Variants in SIPA1L3 observed in about 807,000 individuals in gnomAD.
The protein encoded by SIPA1L3 is signal-induced proliferation-associated 1-like protein 3.
Under a neutral mutation model 150.1 loss-of-function variants are expected in SIPA1L3, and 59 were observed. The ratio of observed to expected loss-of-function variants is 0.39; its 90% CI spans 0.32 to 0.49. The LOEUF is 0.49. SIPA1L3 is among the 20% of genes least tolerant of loss of function. SIPA1L3 has a pLI of 0.86. For synonymous variants in SIPA1L3, 1,070 were observed against 1,077.6 expected, an observed-to-expected ratio of 0.99 and a Z score of 0.14; for missense variants, 2,211 against 2,489.5, an observed-to-expected ratio of 0.89 and a Z score of 2.38.
At chr19:38,114,722 T>A (rs1223065592) in intron 8 of SIPA1L3, among the ~76,000 whole-genome samples, 1 of 152,246 alleles carries the variant, frequency 6.6e-6, no homozygotes, top group Non-Finnish European at 1.5e-5. Context: ...TTAGTCAGCA[T>A]TGAGCAACTG....
At chr19:37,943,961 C>T (rs1379915187) in intron 1 of SIPA1L3, among the ~76,000 whole-genome samples, 2 of 152,132 alleles carry the variant, frequency 1.3e-5, no homozygotes, top group Non-Finnish European at 2.9e-5. Flanking sequence ...CACACGCTGG[C>T]TGTAACCCGT....
At chr19:38,051,629 C>A (rs978377937) in intron 2 of SIPA1L3, among the ~76,000 whole-genome samples, 1 of 152,084 alleles carries the variant, frequency 6.6e-6, no homozygotes, top group Non-Finnish European at 1.5e-5. Flanking sequence ...GACAGGGTAT[C>A]TCTGTGGCCC....
At chr19:37,977,100 ATGCTGGGAG>A (rs1446602458) in intron 1 of SIPA1L3, among the ~76,000 whole-genome samples, 1 of 151,366 alleles carries the variant, frequency 6.6e-6, no homozygotes, top group Non-Finnish European at 1.5e-5. Context: ...GCCTTCCAAA[ATGCTGGGAG>A]TACAGGCATG....
At chr19:38,109,825 A>C (rs1970699665) in intron 7 of SIPA1L3, 1 of 179,642 alleles carries the variant, frequency 5.6e-6, no homozygotes, top group Non-Finnish European at 1.2e-5. Flanking sequence ...AATAAGTGTT[A>C]AGTAATGGGG....
At chr19:38,008,188 G>A (rs1968006386) in intron 1 of SIPA1L3, among the ~76,000 whole-genome samples, 1 of 151,024 alleles carries the variant, frequency 6.6e-6, no homozygotes, top group Non-Finnish European at 1.5e-5. Context: ...GTTCTGACTG[G>A]GGAAGAGGTG....
chr19:37,962,606 C>G (rs1369374334), intron 1 of SIPA1L3, among the ~76,000 whole-genome samples: 1 of 151,740 alleles, frequency 6.6e-6, no homozygotes, highest in African/African-American at 2.4e-5. Context: ...GTTGCTGGGA[C>G]TATAGGCATG....
intron 1 of SIPA1L3, among the ~76,000 whole-genome samples, chr19:37,966,766 G>T (rs529258115): frequency 2.3e-3 from 355 of 152,288 alleles, no homozygotes; most frequent in African/African-American, 8.2e-3. Context: ...CTCTGTCCAG[G>T]CACTGGGGGA....
chr19:37,908,208 G>A (rs2046351280), intron 1 of SIPA1L3, among the ~76,000 whole-genome samples: 1 of 152,006 alleles, frequency 6.6e-6, no homozygotes, highest in Admixed American at 6.6e-5. Flanking sequence ...CACCCCCGAG[G>A]GCCAGATTCA....
At chr19:38,048,616 A>G (rs1969113962) in intron 2 of SIPA1L3, among the ~76,000 whole-genome samples, 1 of 152,184 alleles carries the variant, frequency 6.6e-6, no homozygotes. Flanking sequence ...TGAGTAGACA[A>G]CCATTAATGC....
chr19:38,186,562 C>G (rs955903343), intron 16 of SIPA1L3, among the ~76,000 whole-genome samples: 7 of 149,894 alleles, frequency 4.7e-5, no homozygotes, highest in Non-Finnish European at 8.9e-5. Context: ...CCATGTTGGT[C>G]AGGCTGGTCT....
chr19:37,954,654 T>C (rs539790788), intron 1 of SIPA1L3, among the ~76,000 whole-genome samples: 111 of 152,288 alleles, frequency 7.3e-4, no homozygotes, highest in African/African-American at 2.5e-3. Context: ...CATCCAAGCG[T>C]GAAGCCTCTC....
intron 8 of SIPA1L3, among the ~76,000 whole-genome samples, chr19:38,117,455 A>G (rs1455900953): frequency 1.3e-5 from 2 of 152,086 alleles, no homozygotes; most frequent in African/African-American, 2.4e-5. Flanking sequence ...CCCTGTCTCT[A>G]CTAAAAATAC....
In SIPA1L3 at chr19:38,206,628, G is replaced by C. The variant is rs372514982; in HGVS notation, c.*388G>C. On this transcript the variant is annotated 3_prime_UTR_variant, in exon 22 of 22. Transcript: ENST00000222345. ...CTCGGCTCCAGGAGGTCACACAGCA[G>C]GTTTCTGCACCACGCACAACAAAGT... 165 of 175,778 alleles carry C rather than the reference G, an allele frequency of 9.4e-4. 1 individual carries two copies. The highest frequency in any genetic ancestry group is 3.9e-3 in the African/African-American group (165 of 42,376). 10.9% of individuals were successfully genotyped at this position (175,778 alleles called of 1,614,324 possible).
intron 1 of SIPA1L3, among the ~76,000 whole-genome samples, chr19:37,995,116 A>G (rs1180267578): frequency 6.6e-6 from 1 of 152,058 alleles, no homozygotes; most frequent in Admixed American, 6.6e-5. Context: ...TTGAAAGAGA[A>G]TATGTTCTTA....
intron 18 of SIPA1L3, 111 bp from the exon 19 acceptor site, chr19:38,198,278 A>G (rs547619594): frequency 3.2e-5 from 40 of 1,255,562 alleles, no homozygotes; most frequent in African/African-American, 3.1e-4. Context: ...ACCCTGCTGG[A>G]GGTTTTCCTG....
At chr19:38,193,814 T>C (rs372213022) in intron 18 of SIPA1L3, 34 bp downstream of exon 18, 8 of 1,519,032 alleles carry the variant, frequency 5.3e-6, no homozygotes, top group Non-Finnish European at 6.1e-6. Flanking sequence ...GGCGCGGTAG[T>C]TACCCCAAGG....
chr19:37,967,637 C>G (rs915785979), intron 1 of SIPA1L3, among the ~76,000 whole-genome samples: 2 of 152,182 alleles, frequency 1.3e-5, no homozygotes, highest in African/African-American at 4.8e-5. Flanking sequence ...CTGCAACAAT[C>G]CTATCTCCAA....
intron 9 of SIPA1L3, among the ~76,000 whole-genome samples, chr19:38,125,288 G>A (rs1429524216): frequency 2.0e-5 from 3 of 152,124 alleles, no homozygotes; most frequent in Non-Finnish European, 4.4e-5. Flanking sequence ...CACCCTCCCT[G>A]GCCTCCCAAA....
intron 21 of SIPA1L3, among the ~76,000 whole-genome samples, chr19:38,205,247 G>A (rs950984858): frequency 6.6e-6 from 1 of 151,806 alleles, no homozygotes; most frequent in African/African-American, 2.4e-5. Flanking sequence ...GGTGGGTGAG[G>A]TCAGGAGTTC....
Sources: allele counts gnomAD v4.1 joint callset (sites outside exome capture counted in the v4.1 genomes callset), GRCh38; gene constraint gnomAD v4.1.1; transcripts MANE v1.5; gene names NCBI Gene and HGNC (gene_info 2026-07-23, HGNC 2026-07-21).